The following CDC37 variants were observed in gnomAD, a reference collection of about 807,000 sequenced individuals.
CDC37 encodes the protein hsp90 co-chaperone Cdc37.
CDC37 carries 9 observed loss-of-function variants against 46.9 expected under a neutral mutation model. The observed-to-expected ratio is 0.19, with a 90% CI of 0.12 to 0.33. The LOEUF (loss-of-function observed/expected upper bound fraction) is 0.33, where lower values mean the gene tolerates loss of function less well. CDC37 is among the 10% of genes least tolerant of loss of function. The pLI, the probability that CDC37 is intolerant of heterozygous loss-of-function variation, is 1.00. For missense variants in CDC37, 388 were observed against 514.6 expected (o/e 0.75, Z 2.38); for synonymous variants, 193 against 191.0 (o/e 1.01, Z -0.09).
chr19:10,394,988 G>A (rs1337512997), intron 5 of CDC37, 33 bp downstream of exon 5: 2 of 1,508,822 alleles, frequency 1.3e-6, no homozygotes, highest in South Asian at 1.4e-5. Context: ...TGGGGAGGGG[G>A]CCTCCAGCCA....
At chr19:10,400,745 C>A (rs1469437433) in intron 1 of CDC37, 4 of 151,918 alleles carry the variant, frequency 2.6e-5, no homozygotes, top group Non-Finnish European at 4.4e-5. Flanking sequence ...TCAGGCTGGA[C>A]TTGAACTTCT....
rs1481903880 is a variant in CDC37 at position 10,398,176 on chromosome 19, A to T, written c.103-1973T>A. ...CCACGTGACCAGAGTCCTCCCCACT[A>T]CATCTTGGGGGGTCTGAATTCAGAT... On this transcript the variant is annotated intron_variant, in intron 1 of 7. Coordinates refer to ENST00000222005, the MANE Select transcript of CDC37 (RefSeq NM_007065.4). This position sits in a 1 kb window ranked among gnomAD's most constrained non-coding sequence, Gnocchi z 4.2. 3.9e-5 allele frequency among the ~76,000 whole-genome samples: 6 copies of T among 152,038 alleles called. No homozygotes were observed. In the South Asian group the frequency reaches 1.2e-3, roughly 32 times the overall value.
intron 1 of CDC37, among the ~76,000 whole-genome samples, chr19:10,401,758 A>G (rs1318736717): frequency 1.3e-5 from 2 of 151,976 alleles, no homozygotes; most frequent in African/African-American, 4.8e-5. Flanking sequence ...TGGGAAAGGG[A>G]CCTTCTAGTT....
At chr19:10,399,330 G>A (rs1017475964) in intron 1 of CDC37, among the ~76,000 whole-genome samples, 38 of 151,746 alleles carry the variant, frequency 2.5e-4, no homozygotes, top group African/African-American at 7.7e-4. Context: ...TTAGCCAGGC[G>A]TGGTGGCAGG....
intron 2 of CDC37, 156 bp from the exon 3 acceptor site, chr19:10,395,699 T>C (rs1490574772): frequency 5.1e-6 from 4 of 790,936 alleles, no homozygotes; most frequent in South Asian, 3.1e-5. Context: ...GCATGGGCCT[T>C]GGGGCAGATC....
At chr19:10,397,847 T>A (rs183086131) in intron 1 of CDC37, among the ~76,000 whole-genome samples, 45 of 152,204 alleles carry the variant, frequency 3.0e-4, no homozygotes, top group Non-Finnish European at 4.4e-4. Flanking sequence ...CAGCCCCAGA[T>A]GTCACTCCCC....
At chr19:10,395,617 G>T in intron 2 of CDC37, 74 bp from the exon 3 acceptor site, 2 of 1,183,570 alleles carry the variant, frequency 1.7e-6, no homozygotes, top group South Asian at 1.2e-5. Flanking sequence ...GGCGGGCCGT[G>T]GTCGCAGCGC....
rs1385468770 is a variant in CDC37, at chr19:10,393,457, A to G, written c.727-16T>C. 2 of 1,603,604 alleles carry G rather than the reference A, an allele frequency of 1.2e-6. No individual in the cohort carries two copies. Among genetic ancestry groups the G allele is most frequent in the Admixed American group, 3.4e-5 (2 of 58,964 alleles). ...GATCGGCTGTCTATGGGGGTTGGGC[A>G]GTGCTCACTGGACCTGGCCCAACGC... On this transcript the variant is annotated splice_polypyrimidine_tract_variant and intron_variant, in intron 5 of 7. Coordinates refer to ENST00000222005, the MANE Select transcript of CDC37 (RefSeq NM_007065.4). The surrounding 1 kb of genome is among the most constrained non-coding windows in gnomAD (Gnocchi z 4.9).
rs927637927 is a variant in CDC37 at position 10,398,403 on chromosome 19, C to A, written c.103-2200G>T. 6.6e-6 allele frequency among the ~76,000 whole-genome samples: 1 copy of A among 152,238 alleles called. No homozygotes were observed. Among genetic ancestry groups the A allele is most frequent in the African/African-American group, 2.4e-5 (1 of 41,468 alleles). On this transcript the variant is annotated intron_variant, in intron 1 of 7. Transcript: ENST00000222005. This position sits in a 1 kb window ranked among gnomAD's most constrained non-coding sequence, Gnocchi z 4.2. ...GGCACCACTGATCCCTAAAGGACCTCCTGTGACCATCTGACGATGTGGTGA... is the reference window on the plus strand; with the variant it reads ...GGCACCACTGATCCCTAAAGGACCTACTGTGACCATCTGACGATGTGGTGA...
Position 10,393,118 on chromosome 19 carries a change from G to A in CDC37, c.949C>T (p.Leu317=). 1 of 1,614,076 alleles carries A rather than the reference G, an allele frequency of 6.2e-7. No homozygotes were observed. Among genetic ancestry groups the A allele is most frequent in the Non-Finnish European group, 8.5e-7 (1 of 1,179,984 alleles). Residue 317 remains leucine, a synonymous_variant, in exon 7 of 8, where the codon CTG becomes TTG. Transcript: ENST00000222005. The surrounding 1 kb of genome is among the most constrained non-coding windows in gnomAD (Gnocchi z 4.9). ...KCFDVKDVQM[L]QDAISKMDPT... The stretch of plus-strand genomic sequence containing the variant: ...TCCATCTTGCTGATGGCGTCCTGCA[G>A]CATCTGCACGTCCTTCACATCGAAG...
chr19:10,399,874 GTGAGCCGAGA>G (rs957366627), intron 1 of CDC37, among the ~76,000 whole-genome samples: 4 of 145,604 alleles, frequency 2.7e-5, no homozygotes, highest in African/African-American at 1.0e-4. Flanking sequence ...GGAGGTTACA[GTGAGCCGAGA>G]TGGCACCACT....
intron 1 of CDC37, among the ~76,000 whole-genome samples, chr19:10,397,680 C>T (rs954554842): frequency 4.6e-5 from 7 of 152,082 alleles, no homozygotes; most frequent in African/African-American, 1.7e-4. Context: ...GCTGGGATTA[C>T]AGGCATGAGC....
chr19:10,395,576 G>T (rs774998656), intron 2 of CDC37, 33 bp from the exon 3 acceptor site: 1 of 1,544,854 alleles, frequency 6.5e-7, no homozygotes, highest in South Asian at 1.1e-5. Flanking sequence ...GTGGGCTGGG[G>T]CAAGGCTGCG....
At chr19:10,392,423 T>C (rs916417313) in intron 7 of CDC37, among the ~76,000 whole-genome samples, 1 of 152,176 alleles carries the variant, frequency 6.6e-6, no homozygotes, top group Non-Finnish European at 1.5e-5. Context: ...GTCCTGCAGC[T>C]AGACCCATTT....
rs370952004 is a variant in CDC37, at chr19:10,393,377, C to T, written c.791G>A (p.Arg264Gln). The T allele has an allele frequency of 2.8e-5, 45 of 1,613,936 alleles. No homozygotes were observed. Among genetic ancestry groups the T allele is most frequent in the South Asian group, 4.4e-5 (4 of 91,084 alleles). ...DELEAFKERVRGRAKLRIEKA... is the reference protein window; with the variant it reads ...DELEAFKERVQGRAKLRIEKA... ...CTCGATGCGCAGCTTGGCACGGCCC[C>T]GCACACGCTCCTTGAAGGCTTCCAG... is the stretch of plus-strand genomic sequence containing the variant. Residue 264 changes from arginine to glutamine, a missense_variant, in exon 6 of 8, where the codon CGG becomes CAG. Around this residue, in one of 2 missense-constraint regions of CDC37, gnomAD observed 374 missense variants for 467.4 expected, o/e 0.80. Coordinates refer to ENST00000222005, the MANE Select transcript of CDC37 (RefSeq NM_007065.4). This position sits in a 1 kb window ranked among gnomAD's most constrained non-coding sequence, Gnocchi z 4.9.
In CDC37 at chr19:10,403,506, G is replaced by A. The variant is rs941310374; in HGVS notation, c.-27C>T. On this transcript the variant is annotated 5_prime_UTR_variant, in exon 1 of 8. Transcript: ENST00000222005. ...TTGCCTTGGCGGCCCAGCCCGCTCC[G>A]GCTCGGGTGGCGGCGACGGCGGCAG... 9 of 1,566,198 alleles carry A rather than the reference G, an allele frequency of 5.7e-6. No homozygotes were observed. The Middle Eastern group carries it at 5.0e-4, about 88-fold the overall frequency.
intron 1 of CDC37, among the ~76,000 whole-genome samples, chr19:10,397,793 C>T (rs2042499737): frequency 6.6e-6 from 1 of 152,062 alleles, no homozygotes; most frequent in Non-Finnish European, 1.5e-5. Context: ...CCCAGCATGC[C>T]CTCCTGAGCC....
Position 10,391,812 on chromosome 19 carries a change from T to C in CDC37, c.982-106A>G. 2 of 1,194,830 alleles carry C rather than the reference T, an allele frequency of 1.7e-6. 1 individual carries two copies. Among genetic ancestry groups the C allele is most frequent in the Non-Finnish European group, 2.4e-6 (2 of 849,934 alleles). The allele number at this position is 1,194,830 out of a possible 1,614,324, so 74.0% of individuals were successfully genotyped here. A position where few individuals can be genotyped will look rare whatever the true frequency, so the allele number is the denominator to read the frequency against. On this transcript the variant is annotated intron_variant, in intron 7 of 7. Coordinates refer to ENST00000222005, the MANE Select transcript of CDC37 (RefSeq NM_007065.4). ...AAGCTGGCTTCCTGCCTATTGATAT[T>C]TTACCTATTTGAGACGGAGTCTCAC...
chr19:10,399,329 C>A (rs2042506338), intron 1 of CDC37, among the ~76,000 whole-genome samples: 2 of 151,444 alleles, frequency 1.3e-5, no homozygotes, highest in South Asian at 4.2e-4. Flanking sequence ...ATTAGCCAGG[C>A]GTGGTGGCAG....
Sources: allele counts gnomAD v4.1 joint callset (sites outside exome capture counted in the v4.1 genomes callset), GRCh38; gene constraint gnomAD v4.1.1; regional missense constraint gnomAD v4.1.1; non-coding constraint Gnocchi (gnomAD v3.1); transcripts MANE v1.5; gene names NCBI Gene and HGNC (gene_info 2026-07-23, HGNC 2026-07-21).